The following HCFC2 variants were observed in gnomAD, a reference collection of about 807,000 sequenced individuals.
The protein encoded by HCFC2 is host cell factor C2.
A neutral mutation model predicts 89.2 loss-of-function variants in HCFC2; 18 were observed. The ratio of observed to expected loss-of-function variants is 0.20; its 90% CI spans 0.14 to 0.30. The LOEUF (loss-of-function observed/expected upper bound fraction) is 0.30, where lower values mean the gene tolerates loss of function less well. HCFC2 is among the 10% of genes least tolerant of loss of function. The pLI is 1.00. For synonymous variants in HCFC2, 308 were observed against 335.7 expected, an observed-to-expected ratio of 0.92 and a Z score of 0.90; for missense variants, 578 against 956.1, an observed-to-expected ratio of 0.60 and a Z score of 5.21.
chr12:104,073,167 C>CTT (rs751054824), intron 3 of HCFC2, among the ~76,000 whole-genome samples: 39 of 131,658 alleles, frequency 3.0e-4, no homozygotes, highest in South Asian at 9.5e-4. Flanking sequence ...TTCTGTTTGC[C>CTT]TTTTTTTTTT....
At chr12:104,080,694 G>A in intron 4 of HCFC2, 52 bp from the exon 5 acceptor site, 1 of 1,043,564 alleles carries the variant, frequency 9.6e-7, no homozygotes, top group South Asian at 1.5e-5. Context: ...GGAAGTTGAG[G>A]TAATTTACTC....
At chr12:104,071,382 C>G (rs1310285208) in intron 3 of HCFC2, among the ~76,000 whole-genome samples, 1 of 152,160 alleles carries the variant, frequency 6.6e-6, no homozygotes, top group Non-Finnish European at 1.5e-5. Context: ...CTTCAGAGGG[C>G]CAGTAGGTGC....
rs981595047 is a variant in HCFC2, at chr12:104,082,814, C to T, written c.976C>T (p.Arg326Ter). The change falls in exon 7 of 15, where the codon CGA becomes TGA. Residue 326 changes from arginine (R) to a stop codon, truncating the protein, a stop_gained. Coordinates refer to ENST00000229330, the MANE Select transcript of HCFC2 (RefSeq NM_013320.3). LOFTEE classifies it high-confidence loss of function. Reference sequence around the variant, plus strand: ...CCACTGTGCTGTTGCAATCGGCACTCGATTGTATTTTTGGAGTGGAAGAGA... The same window carrying T: ...CCACTGTGCTGTTGCAATCGGCACTTGATTGTATTTTTGGAGTGGAAGAGA... ...AGHCAVAIGT[R>*]LYFWSGRDGY... The T allele has an allele frequency of 6.2e-7, 1 of 1,613,596 alleles. No homozygotes were observed. The highest frequency in any genetic ancestry group is 1.1e-5 in the South Asian group (1 of 91,014).
At chr12:104,073,115 C>CAT (rs1384467054) in intron 3 of HCFC2, among the ~76,000 whole-genome samples, 1 of 149,598 alleles carries the variant, frequency 6.7e-6, no homozygotes, top group Non-Finnish European at 1.5e-5. Flanking sequence ...GAGTTCTTTA[C>CAT]ATATATATAT....
At chr12:104,075,308 G>A (rs1158352883) in intron 3 of HCFC2, among the ~76,000 whole-genome samples, 1 of 151,520 alleles carries the variant, frequency 6.6e-6, no homozygotes, top group East Asian at 1.9e-4. Flanking sequence ...CTAAATATTA[G>A]TTTTGTCTAA....
At position 104,064,742 on chromosome 12, in the gene HCFC2, C is replaced by G; in HGVS notation, c.163+19C>G. ...AACACGGGTAGGCGCGGCGGCGGCT[C>G]GTCGGCCCCGCCTGCTGGAGCTGCG... On this transcript the variant is annotated intron_variant, in intron 1 of 14. Coordinates refer to ENST00000229330, the MANE Select transcript of HCFC2 (RefSeq NM_013320.3). This position sits in a 1 kb window ranked among gnomAD's most constrained non-coding sequence, Gnocchi z 7.3. 1.9e-6 allele frequency: 3 copies of G among 1,544,216 alleles called. No individual in the cohort carries two copies. The highest frequency in any genetic ancestry group is 1.7e-6 in the Non-Finnish European group (2 of 1,148,438).
Position 104,105,439 on chromosome 12 carries a change from A to G in HCFC2, c.*2166A>G, listed in dbSNP as rs2030059880. 1 of 151,846 alleles carries G rather than the reference A, an allele frequency of 6.6e-6. No homozygotes were observed. Among genetic ancestry groups the G allele is most frequent in the African/African-American group, 2.4e-5 (1 of 41,374 alleles). 9.4% of individuals were successfully genotyped at this position (151,846 alleles called of 1,614,324 possible). On this transcript the variant is annotated 3_prime_UTR_variant, in exon 15 of 15. Transcript: ENST00000229330. ...TAGTATTTGATTCAGTTAAGCCTCC[A>G]CTCTTCTGGATCAGGAGGTGATTCT...
rs1883362414 is a variant in HCFC2, at chr12:104,072,775, TGGGACTACA to T, written c.473+4671_473+4679del. Among the ~76,000 whole-genome samples the T allele has an allele frequency of 2.6e-5, 4 of 152,134 alleles. No homozygotes were observed. The South Asian group carries it at 8.3e-4, about 32-fold the overall frequency. ...CTCCTGCCTCAGCCTCCCGAGTAGCTGGGACTACAGGCGCCCGCCACCATGCCCAGCTAA... is the reference window on the plus strand; with the variant it reads ...CTCCTGCCTCAGCCTCCCGAGTAGCTGGCGCCCGCCACCATGCCCAGCTAA... On this transcript the variant is annotated intron_variant, in intron 3 of 14. Transcript: ENST00000229330.
intron 3 of HCFC2, among the ~76,000 whole-genome samples, chr12:104,074,937 C>G (rs1191770182): frequency 6.6e-6 from 1 of 152,026 alleles, no homozygotes; most frequent in Non-Finnish European, 1.5e-5. Flanking sequence ...GGTATATGAT[C>G]TTTTATTGCC....
intron 7 of HCFC2, among the ~76,000 whole-genome samples, chr12:104,086,483 C>A (rs1000980267): frequency 2.6e-5 from 4 of 151,878 alleles, no homozygotes; most frequent in Admixed American, 2.6e-4. Context: ...CCAGCCTCCC[C>A]CCAAAAACCT....
chr12:104,096,068 T>G (rs984083339), intron 11 of HCFC2, among the ~76,000 whole-genome samples: 1 of 152,198 alleles, frequency 6.6e-6, no homozygotes, highest in Non-Finnish European at 1.5e-5. Flanking sequence ...ATAGGAATTG[T>G]ATTGCATCTT....
At chr12:104,087,352 TAAA>T (rs67436445) in intron 8 of HCFC2, among the ~76,000 whole-genome samples, 7 of 129,058 alleles carry the variant, frequency 5.4e-5, no homozygotes, top group Admixed American at 7.8e-5. Flanking sequence ...GACTCTGTCT[TAAA>T]AAAAAAAAAA....
intron 12 of HCFC2, among the ~76,000 whole-genome samples, chr12:104,096,641 C>T (rs747601602): frequency 7.9e-5 from 12 of 152,102 alleles, no homozygotes; most frequent in African/African-American, 2.9e-4. Flanking sequence ...GTGTTGTGTT[C>T]CCAATTTTAT....
intron 10 of HCFC2, among the ~76,000 whole-genome samples, chr12:104,094,541 T>A (rs936588695): frequency 6.6e-6 from 1 of 151,990 alleles, no homozygotes; most frequent in Non-Finnish European, 1.5e-5. Flanking sequence ...GGAAAAAAAA[T>A]AGCTTCAAAA....
chr12:104,088,097 T>C, intron 9 of HCFC2, 59 bp downstream of exon 9: 1 of 1,251,724 alleles, frequency 8.0e-7, no homozygotes. Flanking sequence ...TCAATTTTTA[T>C]TCAGATATTT....
chr12:104,082,611 G>A lies in HCFC2; in HGVS notation c.874+5G>A, dbSNP rs1237248489. On this transcript the variant is annotated splice_donor_5th_base_variant and intron_variant, in intron 6 of 14. Coordinates refer to ENST00000229330, the MANE Select transcript of HCFC2 (RefSeq NM_013320.3). ...CATTTTCTTACCTAAATCTGGGTGA[G>A]TCTTTTAAGAGTTACTCATTGAATT... 6.2e-7 allele frequency: 1 copy of A among 1,600,022 alleles called. No homozygotes were observed. Among genetic ancestry groups the A allele is most frequent in the African/African-American group, 1.3e-5 (1 of 74,604 alleles).
At chr12:104,080,705 T>C (rs1883659092) in intron 4 of HCFC2, 41 bp from the exon 5 acceptor site, 1 of 1,210,962 alleles carries the variant, frequency 8.3e-7, no homozygotes. Flanking sequence ...TAATTTACTC[T>C]TGTTAGATCA....
intron 2 of HCFC2, among the ~76,000 whole-genome samples, chr12:104,067,083 T>A (rs1356616600): frequency 5.3e-5 from 8 of 152,190 alleles, no homozygotes; most frequent in Non-Finnish European, 1.2e-4. Context: ...GCCACCGTGC[T>A]GTGCCGCAAA....
chr12:104,096,386 A>G lies in HCFC2; in HGVS notation c.1693A>G (p.Thr565Ala). 1 of 1,606,880 alleles carries G rather than the reference A, an allele frequency of 6.2e-7. No individual in the cohort carries two copies. The highest frequency in any genetic ancestry group is 8.5e-7 in the Non-Finnish European group (1 of 1,175,162). The change falls in exon 12 of 15, where the codon ACG (threonine) becomes GCG (alanine). Residue 565 changes from threonine (T) to alanine (A), a missense_variant. This residue lies in a region of HCFC2 where 210 missense variants were observed against 251.7 expected (regional missense o/e 0.83). Coordinates refer to ENST00000229330, the MANE Select transcript of HCFC2 (RefSeq NM_013320.3). ...TGATGAAACATATGCACTGCCTGCA[A>G]CGAAGATCAGCCGTGTAGAGACACA... ...EVDETYALPA[T>A]KISRVETHAT...
Sources: allele counts gnomAD v4.1 joint callset (sites outside exome capture counted in the v4.1 genomes callset), GRCh38; gene constraint gnomAD v4.1.1; regional missense constraint gnomAD v4.1.1; non-coding constraint Gnocchi (gnomAD v3.1); transcripts MANE v1.5; gene names NCBI Gene and HGNC (gene_info 2026-07-23, HGNC 2026-07-21).